Variants in ARSG observed in about 807,000 individuals in gnomAD.
The protein encoded by ARSG is arylsulfatase G.
ARSG carries 37 observed loss-of-function variants against 50.5 expected under a neutral mutation model. The ratio of observed to expected loss-of-function variants is 0.73; its 90% confidence interval spans 0.56 to 0.96. The LOEUF is 0.96. Among genes scored for constraint, ARSG ranks in the 50% least tolerant of loss-of-function variants. ARSG has a pLI of 0.00. For synonymous variants in ARSG, 225 were observed against 254.6 expected, an observed-to-expected ratio of 0.88 and a Z score of 1.11; for missense variants, 629 against 675.3, an observed-to-expected ratio of 0.93 and a Z score of 0.76.
At chr17:68,377,040 T>G (rs1287642636) in intron 8 of ARSG, among the ~76,000 whole-genome samples, 1 of 152,148 alleles carries the variant, frequency 6.6e-6, no homozygotes. Flanking sequence ...TCTGGTATTT[T>G]TAGTAGAGAC....
chr17:68,386,850 C>T (rs2080750426), intron 9 of ARSG, among the ~76,000 whole-genome samples: 2 of 152,070 alleles, frequency 1.3e-5, no homozygotes, highest in Non-Finnish European at 2.9e-5. Flanking sequence ...TGCCTCATCT[C>T]ATTCATAATG....
chr17:68,281,217 T>C (rs188602105), intron 1 of ARSG, among the ~76,000 whole-genome samples: 12 of 151,312 alleles, frequency 7.9e-5, no homozygotes, highest in African/African-American at 2.7e-4. Context: ...ATAGCCAGAA[T>C]ATACAAGGAA....
At chr17:68,362,720 C>G (rs2079352047) in intron 6 of ARSG, among the ~76,000 whole-genome samples, 1 of 152,156 alleles carries the variant, frequency 6.6e-6, no homozygotes, top group Admixed American at 6.6e-5. Context: ...AGTGTCAGGT[C>G]AGTGCTCAAA....
chr17:68,435,699 G>A, the ARSG span: 1 of 1,614,226 alleles, frequency 6.2e-7, no homozygotes, highest in Non-Finnish European at 8.5e-7. Context: ...GGCAGCAATA[G>A]TGCAGACTGT....
chr17:68,307,713 T>A lies in ARSG; in HGVS notation c.218+2T>A, dbSNP rs1555764960. Reference sequence around the variant, plus strand: ...TAAGATGGCTTCGGAGGGAATGAGGTGAGTCTTGAGATGCCAGGCCAGCCT... The same window carrying A: ...TAAGATGGCTTCGGAGGGAATGAGGAGAGTCTTGAGATGCCAGGCCAGCCT... On this transcript the variant is annotated splice_donor_variant, in intron 2 of 11. Transcript: ENST00000621439. LOFTEE classifies it high-confidence loss of function. 2 of 1,506,070 alleles carry A rather than the reference T, an allele frequency of 1.3e-6. No individual in the cohort carries two copies. 93.3% of individuals were successfully genotyped at this position (1,506,070 alleles called of 1,614,324 possible).
At chr17:68,377,151 C>G (rs565415737) in intron 8 of ARSG, among the ~76,000 whole-genome samples, 1 of 152,154 alleles carries the variant, frequency 6.6e-6, no homozygotes, top group Admixed American at 6.5e-5. Context: ...CGTGAGCCAC[C>G]GTGCTTGGCC....
Position 68,401,372 on chromosome 17 carries a change from C to T in ARSG, c.1225C>T (p.Pro409Ser), listed in dbSNP as rs1401470518. The stretch of plus-strand genomic sequence containing the variant: ...CACCCTTTCTCAGGTGCTGTTCCAC[C>T]CCAACAGCGGGGCAGCTGGAGAGTT... ...SQPGHRVLFHPNSGAAGEFGA... is the reference protein window; with the variant it reads ...SQPGHRVLFHSNSGAAGEFGA... Residue 409 changes from proline to serine, a missense_variant, in exon 11 of 12, where the codon CCC becomes TCC. Coordinates refer to ENST00000621439, the MANE Select transcript of ARSG (RefSeq NM_001267727.2). The T allele has an allele frequency of 6.2e-7, 1 of 1,613,804 alleles. No homozygotes were observed. Among genetic ancestry groups the T allele is most frequent in the East Asian group, 2.2e-5 (1 of 44,888 alleles).
chr17:68,400,707 C>CATCATGAA (rs1331616534), intron 10 of ARSG: 1 of 152,226 alleles, frequency 6.6e-6, no homozygotes, highest in Non-Finnish European at 1.5e-5. Flanking sequence ...CTGCCGTGGT[C>CATCATGAA]ATCATGAAAT....
At chr17:68,314,118 A>T (rs1345451339) in intron 2 of ARSG, among the ~76,000 whole-genome samples, 1 of 152,178 alleles carries the variant, frequency 6.6e-6, no homozygotes, top group Non-Finnish European at 1.5e-5. Context: ...CAGCTCTGCC[A>T]CTTCCTATCT....
At chr17:68,351,749 C>A in intron 5 of ARSG, 63 bp downstream of exon 5, 1 of 1,071,980 alleles carries the variant, frequency 9.3e-7, no homozygotes, top group South Asian at 1.3e-5. Context: ...AGACTGTGGT[C>A]CATCAGCAAT....
intron 1 of ARSG, chr17:68,274,106 A>C: frequency 6.2e-7 from 1 of 1,602,452 alleles, no homozygotes; most frequent in South Asian, 1.1e-5. Context: ...TTTAACTCAC[A>C]GAGGCTTCAG....
At chr17:68,278,164 T>G in intron 1 of ARSG, 2 of 1,614,154 alleles carry the variant, frequency 1.2e-6, no homozygotes, top group Non-Finnish European at 1.7e-6. Context: ...AAACTGTCCA[T>G]TAAGTCATTA....
chr17:68,405,034 G>A (rs961611296), intron 11 of ARSG, among the ~76,000 whole-genome samples: 1 of 149,156 alleles, frequency 6.7e-6, no homozygotes, highest in African/African-American at 2.5e-5. Context: ...TATTTCATTA[G>A]TTATATGTCT....
the ARSG span, among the ~76,000 whole-genome samples, chr17:68,430,585 CTGAG>C: frequency 1.3e-5 from 2 of 152,168 alleles, no homozygotes; most frequent in East Asian, 1.9e-4. Context: ...CTGAGCCAGA[CTGAG>C]TGGGTAGCAA....
intron 6 of ARSG, among the ~76,000 whole-genome samples, chr17:68,360,799 C>G (rs1294370537): frequency 2.0e-5 from 3 of 152,052 alleles, no homozygotes; most frequent in Non-Finnish European, 4.4e-5. Flanking sequence ...TGAGCAGCGG[C>G]CCAGCATGTT....
intron 1 of ARSG, among the ~76,000 whole-genome samples, chr17:68,280,586 T>A (rs1034007513): frequency 1.2e-4 from 18 of 152,152 alleles, no homozygotes; most frequent in African/African-American, 2.4e-4. Flanking sequence ...TGGATATCAA[T>A]ACAAACAATG....
At chr17:68,260,839 A>G (rs1342990885) in intron 1 of ARSG, among the ~76,000 whole-genome samples, 1 of 152,212 alleles carries the variant, frequency 6.6e-6, no homozygotes, top group Non-Finnish European at 1.5e-5. Context: ...TTGAGGCATT[A>G]AAAGAAAGCA....
intron 10 of ARSG, among the ~76,000 whole-genome samples, chr17:68,396,192 T>A (rs1462952397): frequency 6.6e-6 from 1 of 152,066 alleles, no homozygotes; most frequent in South Asian, 2.1e-4. Context: ...AATTTTTGTA[T>A]CTTTAGTATA....
chr17:68,361,348 G>A (rs534401137), intron 6 of ARSG, among the ~76,000 whole-genome samples: 1 of 152,252 alleles, frequency 6.6e-6, no homozygotes, highest in South Asian at 2.1e-4. Context: ...GGATACAGTG[G>A]GAAGACACTT....
Sources: gnomAD v4.1 joint callset for allele counts (sites outside exome capture counted in the v4.1 genomes callset) on GRCh38, gnomAD v4.1.1 for gene constraint, MANE v1.5 for transcripts, NCBI Gene and HGNC (gene_info 2026-07-23, HGNC 2026-07-21) for gene names.